AHCY: variants seen among roughly 807,000 people sequenced by gnomAD.
AHCY encodes the protein S-adenosyl-L-homocysteine hydrolase.
In AHCY, 24 loss-of-function variants were observed where a neutral mutation model predicts 45.4. That is an observed-to-expected ratio of 0.53 (90% CI 0.38 to 0.74). The LOEUF is 0.74. Ranked by LOEUF, AHCY falls within the 30% of genes least tolerant of loss-of-function variation. The pLI, the probability that AHCY is intolerant of heterozygous loss-of-function variation, is 0.00. For missense variants in AHCY, 449 were observed against 594.1 expected (o/e 0.76, Z 2.54); for synonymous variants, 245 against 235.1 (o/e 1.04, Z -0.39).
chr20:34,286,788 C>T (rs537094445), intron 8 of AHCY, among the ~76,000 whole-genome samples: 2 of 143,378 alleles, frequency 1.4e-5, no homozygotes, highest in African/African-American at 5.1e-5. Flanking sequence ...GAGCCAAGAT[C>T]GCGCCATTGC....
the AHCY span, chr20:34,268,846 TG>T: frequency 1.4e-5 from 14 of 971,016 alleles, no homozygotes; most frequent in African/African-American, 5.1e-5. Flanking sequence ...GGAATCTGAC[TG>T]GGGGAGCGGG....
chr20:34,253,655 A>C, the AHCY span, among the ~76,000 whole-genome samples: 4 of 151,838 alleles, frequency 2.6e-5, no homozygotes, highest in Admixed American at 2.6e-4. Context: ...TATTTTTAGT[A>C]GAGACGGGTT....
At chr20:34,303,512 A>T (rs1400567769), upstream of AHCY, among the ~76,000 whole-genome samples, 1 of 152,004 alleles carries the variant, frequency 6.6e-6, no homozygotes, top group African/African-American at 2.4e-5. Flanking sequence ...CAGGAGTCTC[A>T]CTCACCGGTC....
At chr20:34,253,623 C>G in the AHCY span, among the ~76,000 whole-genome samples, 1 of 152,036 alleles carries the variant, frequency 6.6e-6, no homozygotes, top group South Asian at 2.1e-4. Flanking sequence ...AGGCATGCAC[C>G]ACCAAGCCTG....
chr20:34,303,067 C>T, intron 1 of AHCY, 176 bp downstream of exon 1: 1 of 985,324 alleles, frequency 1.0e-6, no homozygotes, highest in Non-Finnish European at 1.2e-6. Flanking sequence ...CGGAACGGCC[C>T]GCTCATGGCC....
At chr20:34,270,868 A>G in the AHCY span, among the ~76,000 whole-genome samples, 1 of 152,260 alleles carries the variant, frequency 6.6e-6, no homozygotes, top group East Asian at 1.9e-4. Context: ...ATGTTGCTCA[A>G]GCTGGTCTCA....
the AHCY span, among the ~76,000 whole-genome samples, chr20:34,235,878 G>GA: frequency 6.9e-4 from 64 of 93,248 alleles, 1 homozygote; most frequent in African/African-American, 2.3e-3. Flanking sequence ...AGGAAGGAAG[G>GA]AAGGAAGGAA....
At chr20:34,262,729 C>T in the AHCY span, 3 of 1,306,182 alleles carry the variant, frequency 2.3e-6, no homozygotes, top group African/African-American at 2.9e-5. Context: ...CTTCTCCTCT[C>T]CCTGACCTTG....
chr20:34,281,260 G>A (rs1446730932), intron 9 of AHCY, 95 bp from the exon 10 acceptor site: 9 of 1,559,420 alleles, frequency 5.8e-6, no homozygotes, highest in Admixed American at 1.7e-5. Context: ...GTTCTGTTAG[G>A]GTTTCTGCCA....
the AHCY span, among the ~76,000 whole-genome samples, chr20:34,244,243 A>C: frequency 6.6e-6 from 1 of 152,260 alleles, no homozygotes; most frequent in Non-Finnish European, 1.5e-5. Flanking sequence ...CTAATGCATC[A>C]TTAAAACTGT....
chr20:34,267,540 A>AT, the AHCY span, among the ~76,000 whole-genome samples: 4 of 138,114 alleles, frequency 2.9e-5, no homozygotes, highest in South Asian at 4.6e-4. Context: ...TTATTTATTT[A>AT]TTTTTTTTGA....
chr20:34,307,880 C>T (rs1291724931), upstream of AHCY, among the ~76,000 whole-genome samples: 1 of 151,972 alleles, frequency 6.6e-6, no homozygotes, highest in Non-Finnish European at 1.5e-5. Flanking sequence ...GTTTGGTGTA[C>T]AGATTATTTC....
chr20:34,253,269 C>T, the AHCY span, among the ~76,000 whole-genome samples: 10 of 151,500 alleles, frequency 6.6e-5, no homozygotes. Context: ...CCACGCCCGC[C>T]TAATTTTTTT....
intron 1 of AHCY, 137 bp from the exon 2 acceptor site, chr20:34,295,722 T>A: frequency 1.1e-6 from 1 of 883,124 alleles, no homozygotes; most frequent in Non-Finnish European, 1.8e-6. Flanking sequence ...ATTCTCTCAC[T>A]CATGCAACAA....
intron 3 of AHCY, among the ~76,000 whole-genome samples, chr20:34,293,029 CAA>C (rs141856361): frequency 0.041 from 6,177 of 152,166 alleles, 140 homozygotes; most frequent in South Asian, 0.077. Flanking sequence ...GAATCTCAGG[CAA>C]AGTCTGGCCA....
At chr20:34,302,457 C>T (rs1393852764) in intron 1 of AHCY, 2 of 327,894 alleles carry the variant, frequency 6.1e-6, no homozygotes, top group South Asian at 2.4e-4. Flanking sequence ...TGCTCCATCA[C>T]CACCAGCTGT....
intron 1 of AHCY, among the ~76,000 whole-genome samples, chr20:34,309,011 G>A (rs1218110724): frequency 6.9e-6 from 1 of 144,280 alleles, no homozygotes; most frequent in Admixed American, 7.1e-5. Context: ...TCAAGCTAGG[G>A]TACAGTGGCA....
chr20:34,269,350 G>C, the AHCY span: 1 of 733,230 alleles, frequency 1.4e-6, no homozygotes, highest in Admixed American at 3.9e-5. Context: ...CTGCTCGAAG[G>C]TGTGCGGCTG....
At chr20:34,272,246 G>GA in the AHCY span, among the ~76,000 whole-genome samples, 18 of 152,224 alleles carry the variant, frequency 1.2e-4, no homozygotes, top group Admixed American at 2.6e-4. Context: ...CATTGTTCAG[G>GA]AAAAAATTCT....
Sources: allele counts gnomAD v4.1 joint callset (sites outside exome capture counted in the v4.1 genomes callset), GRCh38; gene constraint gnomAD v4.1.1; transcripts MANE v1.5; gene names NCBI Gene and HGNC (gene_info 2026-07-23, HGNC 2026-07-21).